Variants in CMTM4 observed in about 807,000 individuals in gnomAD.
CMTM4 encodes the protein CKLF-like MARVEL transmembrane domain-containing protein 4.
Under a neutral mutation model 19.0 loss-of-function variants are expected in CMTM4, and 8 were observed. The observed-to-expected ratio is 0.42, with a 90% confidence interval of 0.25 to 0.76. The LOEUF is 0.76. Ranked by LOEUF, CMTM4 falls within the 30% of genes least tolerant of loss-of-function variation. CMTM4 has a pLI of 0.27. For missense variants in CMTM4, 228 were observed against 290.2 expected, an observed-to-expected ratio of 0.79 and a Z score of 1.56; for synonymous variants, 106 against 121.1, an observed-to-expected ratio of 0.88 and a Z score of 0.82.
chr16:66,606,507 G>T, the CMTM4 span, among the ~76,000 whole-genome samples: 70 of 151,170 alleles, frequency 4.6e-4, 1 homozygote, highest in African/African-American at 1.7e-3. Context: ...GTGCTCTGGG[G>T]ACCCCCTGGG....
chr16:66,659,496 T>C (rs2016463760), intron 1 of CMTM4, among the ~76,000 whole-genome samples: 1 of 152,128 alleles, frequency 6.6e-6, no homozygotes, highest in Non-Finnish European at 1.5e-5. Context: ...AGGGCTGTTG[T>C]AAGATTAAGA....
At chr16:66,649,679 C>A (rs1288031388) in intron 1 of CMTM4, among the ~76,000 whole-genome samples, 4 of 152,318 alleles carry the variant, frequency 2.6e-5, no homozygotes, top group East Asian at 1.9e-4. Flanking sequence ...TCAACCTCAG[C>A]CTTGCACTGG....
chr16:66,602,167 C>A, the CMTM4 span, among the ~76,000 whole-genome samples: 1 of 152,194 alleles, frequency 6.6e-6, no homozygotes. Context: ...GAGGCCGAGG[C>A]GGGAAGATTG....
intron 1 of CMTM4, among the ~76,000 whole-genome samples, chr16:66,678,608 T>C (rs1397733585): frequency 1.3e-5 from 2 of 152,200 alleles, no homozygotes; most frequent in Non-Finnish European, 2.9e-5. Context: ...CATCTATAAA[T>C]AGGCAAATTA....
intron 1 of CMTM4, among the ~76,000 whole-genome samples, chr16:66,656,355 TTTG>T (rs1388558812): frequency 6.6e-6 from 1 of 152,082 alleles, no homozygotes; most frequent in Non-Finnish European, 1.5e-5. Flanking sequence ...GAAAGGGTTT[TTTG>T]TTGTTGTTAT....
rs35127974 is a variant in CMTM4, at chr16:66,680,773, C to CAAA, written c.186+15564_186+15566dup. Among the ~76,000 whole-genome samples the CAAA allele has an allele frequency of 5.9e-4, 19 of 32,258 alleles. 2 individuals are homozygous for CAAA. The highest frequency in any genetic ancestry group is 0.028 in the Middle Eastern group (1 of 36). 21.2% of individuals were successfully genotyped at this position (32,258 alleles called of 152,430 possible). A position where few individuals can be genotyped will look rare whatever the true frequency, so the allele number is the denominator to read the frequency against. ...TGGGCAACAGAGCAAGACTCCGTCTCAAAAAAAAAAAAAAAAAAAAAAAAA... is the reference window on the plus strand; with the variant it reads ...TGGGCAACAGAGCAAGACTCCGTCTCAAAAAAAAAAAAAAAAAAAAAAAAAAAA... On this transcript the variant is annotated intron_variant, in intron 1 of 3. Coordinates refer to ENST00000394106, the MANE Select transcript of CMTM4 (RefSeq NM_181521.3).
chr16:66,612,841 G>A (rs1291114046), downstream of CMTM4: 14 of 613,502 alleles, frequency 2.3e-5, no homozygotes, highest in East Asian at 8.2e-5. The surrounding 1 kb of genome is among the most constrained non-coding windows in gnomAD (Gnocchi z 6.0). Flanking sequence ...ACCACGCTGC[G>A]TATGAGGGCA....
chr16:66,685,648 T>G (rs1434363469), intron 1 of CMTM4, among the ~76,000 whole-genome samples: 1 of 152,070 alleles, frequency 6.6e-6, no homozygotes, highest in East Asian at 1.9e-4. Flanking sequence ...TGATTTCTTT[T>G]TTGTTTGTTT....
downstream of CMTM4, chr16:66,610,837 G>A: frequency 2.5e-6 from 1 of 398,636 alleles, no homozygotes; most frequent in Non-Finnish European, 4.4e-6. This position sits in a 1 kb window ranked among gnomAD's most constrained non-coding sequence, Gnocchi z 4.6. Flanking sequence ...AAGAGCCACT[G>A]GTTTCCTAAC....
chr16:66,622,176 A>C lies in CMTM4; in HGVS notation c.509T>G (p.Leu170Arg). The C allele has an allele frequency of 6.2e-7, 1 of 1,614,018 alleles. No individual in the cohort carries two copies. Among genetic ancestry groups the C allele is most frequent in the Non-Finnish European group, 8.5e-7 (1 of 1,179,986 alleles). Residue 170 changes from leucine to arginine, a missense_variant, in exon 4 of 4, where the codon CTG becomes CGG. Leu to Arg is a moderately radical substitution (Grantham distance 102, BLOSUM62 -2). Coordinates refer to ENST00000394106, the MANE Select transcript of CMTM4 (RefSeq NM_181521.3). The surrounding 1 kb of genome is among the most constrained non-coding windows in gnomAD (Gnocchi z 4.0). ...GCTGACTCTCCATTTCTGCACTGCC[A>C]GGAATGTGTTCACTGCATATGCCGC... ...ATAAYAVNTF[L>R]AVQKWRVSVR...
intron 1 of CMTM4, among the ~76,000 whole-genome samples, chr16:66,687,157 T>A (rs973154703): frequency 1.1e-4 from 15 of 139,356 alleles, no homozygotes; most frequent in Non-Finnish European, 1.6e-4. Flanking sequence ...TTTTTTTTTT[T>A]ACAGAAAAGT....
intron 1 of CMTM4, among the ~76,000 whole-genome samples, chr16:66,694,555 T>C (rs1460552155): frequency 6.6e-6 from 1 of 151,062 alleles, no homozygotes; most frequent in Non-Finnish European, 1.5e-5. Context: ...TCTACTAAAA[T>C]TACAAAAATT....
intron 2 of CMTM4, 60 bp downstream of exon 2, chr16:66,636,345 T>C: frequency 1.4e-6 from 2 of 1,416,966 alleles, no homozygotes; most frequent in Non-Finnish European, 2.0e-6. Context: ...GATTCCAGCT[T>C]TTCCTTGGAG....
At chr16:66,600,327 T>G in the CMTM4 span, among the ~76,000 whole-genome samples, 3 of 152,008 alleles carry the variant, frequency 2.0e-5, no homozygotes, top group Non-Finnish European at 4.4e-5. Context: ...GTGTTTTTAG[T>G]AGAGACAGGG....
chr16:66,647,383 G>A (rs1300085240), intron 1 of CMTM4, among the ~76,000 whole-genome samples: 2 of 150,204 alleles, frequency 1.3e-5, no homozygotes, highest in East Asian at 2.0e-4. Context: ...ATTATAGCCT[G>A]TTTTCACAAA....
chr16:66,606,345 A>G, the CMTM4 span, among the ~76,000 whole-genome samples: 1 of 152,156 alleles, frequency 6.6e-6, no homozygotes, highest in Non-Finnish European at 1.5e-5. Flanking sequence ...GTGCAGGCAT[A>G]GGAGACAGGA....
chr16:66,613,531 C>A (rs1220955543), downstream of CMTM4: 2 of 182,150 alleles, frequency 1.1e-5, no homozygotes, highest in Non-Finnish European at 2.3e-5. Flanking sequence ...GTTCACCTAA[C>A]GATTTATACT....
chr16:66,664,699 A>G (rs2016560811), intron 1 of CMTM4, among the ~76,000 whole-genome samples: 1 of 152,204 alleles, frequency 6.6e-6, no homozygotes, highest in South Asian at 2.1e-4. Context: ...TCAATAAATC[A>G]ATTATAATGA....
At chr16:66,609,820 G>A, downstream of CMTM4, 1 of 1,614,090 alleles carries the variant, frequency 6.2e-7, no homozygotes, top group Non-Finnish European at 8.5e-7. The surrounding 1 kb of genome is among the most constrained non-coding windows in gnomAD (Gnocchi z 4.4). Flanking sequence ...CGTGAGGCTG[G>A]GGCAGCAGCC....
Sources: allele counts gnomAD v4.1 joint callset (sites outside exome capture counted in the v4.1 genomes callset), GRCh38; gene constraint gnomAD v4.1.1; non-coding constraint Gnocchi (gnomAD v3.1); transcripts MANE v1.5; gene names NCBI Gene and HGNC (gene_info 2026-07-23, HGNC 2026-07-21).